Variants in CEP170 observed in about 807,000 individuals in gnomAD.
CEP170 encodes the protein centrosomal protein 170.
CEP170 carries 21 observed loss-of-function variants against 151.9 expected under a neutral mutation model. The observed-to-expected ratio is 0.14, with a 90% confidence interval of 0.10 to 0.20. CEP170 has a LOEUF of 0.20. Ranked by LOEUF, CEP170 falls within the 10% of genes least tolerant of loss-of-function variation. The pLI, the probability that CEP170 is intolerant of heterozygous loss-of-function variation, is 1.00. For synonymous variants in CEP170, 356 were observed against 648.8 expected, an observed-to-expected ratio of 0.55 and a Z score of 6.86; for missense variants, 964 against 1,892.9, an observed-to-expected ratio of 0.51 and a Z score of 9.11.
chr1:243,222,775 G>T (rs538702307), intron 2 of CEP170, among the ~76,000 whole-genome samples: 1 of 152,144 alleles, frequency 6.6e-6, no homozygotes, highest in Non-Finnish European at 1.5e-5. Flanking sequence ...GTTTTTCAGA[G>T]ACCTGAGGTC....
At chr1:243,248,053 T>G (rs1395266873) in intron 1 of CEP170, among the ~76,000 whole-genome samples, 11 of 152,254 alleles carry the variant, frequency 7.2e-5, no homozygotes, top group Non-Finnish European at 1.5e-5. Flanking sequence ...GGAAACAGCA[T>G]TGGCCTCTTT....
chr1:243,161,640 A>C (rs959347610), intron 13 of CEP170, among the ~76,000 whole-genome samples: 1 of 151,992 alleles, frequency 6.6e-6, no homozygotes, highest in Non-Finnish European at 1.5e-5. Flanking sequence ...CTGGCCTAAA[A>C]ATATTTTAGA....
chr1:243,218,587 AGGAGTGGAAAT>A (rs1052635888), intron 3 of CEP170, among the ~76,000 whole-genome samples: 1 of 152,226 alleles, frequency 6.6e-6, no homozygotes, highest in Non-Finnish European at 1.5e-5. Context: ...GAAAGGGGAC[AGGAGTGGAAAT>A]GATCACTTTT....
chr1:243,250,372 C>T (rs2065829622), intron 1 of CEP170, among the ~76,000 whole-genome samples: 2 of 152,180 alleles, frequency 1.3e-5, no homozygotes, highest in Admixed American at 1.3e-4. Flanking sequence ...ACTATAGCTA[C>T]GTTCACGGAG....
At chr1:243,244,074 C>T (rs953238593) in intron 1 of CEP170, among the ~76,000 whole-genome samples, 6 of 151,952 alleles carry the variant, frequency 3.9e-5, no homozygotes, top group Admixed American at 3.3e-4. Context: ...ACATAATTAG[C>T]CTCAATTAAT....
At chr1:243,208,817 G>A (rs1038587894) in intron 4 of CEP170, among the ~76,000 whole-genome samples, 6 of 152,200 alleles carry the variant, frequency 3.9e-5, no homozygotes, top group African/African-American at 1.4e-4. Flanking sequence ...CCACTAAAGT[G>A]TAGGCTACAG....
intron 16 of CEP170, among the ~76,000 whole-genome samples, chr1:243,137,503 G>A (rs1228641851): frequency 2.0e-5 from 3 of 152,150 alleles, no homozygotes; most frequent in Admixed American, 1.3e-4. Context: ...GAGGCCGGGC[G>A]CAGTGGCTCA....
chr1:243,240,697 T>A (rs1044123061), intron 1 of CEP170, among the ~76,000 whole-genome samples: 1 of 152,074 alleles, frequency 6.6e-6, no homozygotes, highest in African/African-American at 2.4e-5. Context: ...CACTTATTTA[T>A]TCATTTATTT....
chr1:243,194,397 G>C (rs2060506451), intron 7 of CEP170, among the ~76,000 whole-genome samples: 1 of 151,776 alleles, frequency 6.6e-6, no homozygotes, highest in Non-Finnish European at 1.5e-5. Context: ...TACTGATATT[G>C]ATGATTGATG....
At position 243,164,308 on chromosome 1, in the gene CEP170, T is replaced by C. The variant is rs916191381; in HGVS notation, c.3652A>G (p.Thr1218Ala). 1 of 1,519,840 alleles carries C rather than the reference T, an allele frequency of 6.6e-7. No individual in the cohort carries two copies. The highest frequency in any genetic ancestry group is 8.8e-7 in the Non-Finnish European group (1 of 1,134,526). The allele number at this position is 1,519,840 out of a possible 1,614,324, so 94.1% of individuals were successfully genotyped here. A position where few individuals can be genotyped will look rare whatever the true frequency, so the allele number is the denominator to read the frequency against. ...CCTGAAGCAGAGCCATGAGCTGAGGTCATACTTTTGACCTTGGAGTCTGAG... is the reference window on the plus strand; with the variant it reads ...CCTGAAGCAGAGCCATGAGCTGAGGCCATACTTTTGACCTTGGAGTCTGAG... The part of the protein sequence containing the change: ...RLSDSKVKSM[T>A]SAHGSASVNS... The change falls in exon 13 of 20, where the codon ACC becomes GCC. Residue 1218 changes from threonine to alanine, a missense_variant. By Grantham distance (58) the Thr-to-Ala change is moderately conservative. Transcript: ENST00000366542.
chr1:243,231,975 T>C (rs977791399), intron 1 of CEP170, among the ~76,000 whole-genome samples: 1 of 152,084 alleles, frequency 6.6e-6, no homozygotes, highest in Non-Finnish European at 1.5e-5. Context: ...TTTTTTTTTC[T>C]TTTTGAGACA....
At chr1:243,212,422 T>C (rs1158002117) in intron 3 of CEP170, among the ~76,000 whole-genome samples, 2 of 152,292 alleles carry the variant, frequency 1.3e-5, no homozygotes, top group Non-Finnish European at 2.9e-5. Flanking sequence ...TTTAAGAAAA[T>C]AGAATAAAAC....
intron 17 of CEP170, among the ~76,000 whole-genome samples, chr1:243,133,921 C>G (rs903684731): frequency 5.3e-5 from 8 of 152,166 alleles, no homozygotes; most frequent in Non-Finnish European, 1.0e-4. Flanking sequence ...TATTTATAAA[C>G]AGCATTCAAC....
At chr1:243,166,194 T>C (rs1237963863) in intron 12 of CEP170, 78 bp from the exon 13 acceptor site, 1 of 1,523,552 alleles carries the variant, frequency 6.6e-7, no homozygotes, top group Non-Finnish European at 8.8e-7. Context: ...TACAGTTGTC[T>C]GTCAGTATCC....
intron 18 of CEP170, among the ~76,000 whole-genome samples, chr1:243,129,101 A>G (rs182518948): frequency 0.019 from 2,892 of 152,262 alleles, 93 homozygotes; most frequent in African/African-American, 0.067. Context: ...TAAAAATTTC[A>G]TGTTTCTAAT....
At chr1:243,154,935 A>AGTC (rs1271754632) in intron 14 of CEP170, among the ~76,000 whole-genome samples, 10 of 152,170 alleles carry the variant, frequency 6.6e-5, no homozygotes, top group Non-Finnish European at 1.5e-4. Flanking sequence ...GTGTAGCTGG[A>AGTC]CATCTTTTTC....
At chr1:243,195,526 A>G (rs2060589172) in intron 7 of CEP170, among the ~76,000 whole-genome samples, 2 of 151,994 alleles carry the variant, frequency 1.3e-5, no homozygotes, top group South Asian at 4.2e-4. Context: ...AGGAACGTTA[A>G]AAATTACTAG....
chr1:243,239,631 A>G (rs2064621688), intron 1 of CEP170, among the ~76,000 whole-genome samples: 1 of 152,166 alleles, frequency 6.6e-6, no homozygotes, highest in Non-Finnish European at 1.5e-5. Flanking sequence ...TGAAAATGAA[A>G]GCTCTATGCT....
At chr1:243,243,460 G>C (rs910109763) in intron 1 of CEP170, among the ~76,000 whole-genome samples, 3 of 151,908 alleles carry the variant, frequency 2.0e-5, no homozygotes, top group Non-Finnish European at 4.4e-5. Flanking sequence ...TAGCTCTTTA[G>C]CTTAAAAAAC....
Sources: allele counts gnomAD v4.1 joint callset (sites outside exome capture counted in the v4.1 genomes callset), GRCh38; gene constraint gnomAD v4.1.1; transcripts MANE v1.5; gene names NCBI Gene and HGNC (gene_info 2026-07-23, HGNC 2026-07-21).